Variants in SRPK2 observed in about 807,000 individuals in gnomAD.
SRPK2 encodes the protein SFRS protein kinase 2.
SRPK2 carries 21 observed loss-of-function variants against 90.8 expected under a neutral mutation model. That is an observed-to-expected ratio of 0.23 (90% CI 0.16 to 0.33). SRPK2 has a LOEUF of 0.33. Ranked by LOEUF, SRPK2 falls within the 10% of genes least tolerant of loss-of-function variation. The pLI is 1.00. For synonymous variants in SRPK2, 288 were observed against 311.1 expected, an observed-to-expected ratio of 0.93 and a Z score of 0.78; for missense variants, 620 against 869.0, an observed-to-expected ratio of 0.71 and a Z score of 3.60.
At chr7:105,291,721 T>C (rs79629216) in intron 2 of SRPK2, among the ~76,000 whole-genome samples, 2 of 151,500 alleles carry the variant, frequency 1.3e-5, no homozygotes, top group African/African-American at 4.9e-5. Flanking sequence ...CAGAACGAGA[T>C]TTTTTTTCAG....
At chr7:105,261,022 TAAAAA>T (rs72277307) in intron 2 of SRPK2, among the ~76,000 whole-genome samples, 2 of 116,038 alleles carry the variant, frequency 1.7e-5, no homozygotes, top group Admixed American at 9.5e-5. Flanking sequence ...CCCTAGAAAT[TAAAAA>T]AAAAAAAAAA....
intron 2 of SRPK2, among the ~76,000 whole-genome samples, chr7:105,213,498 C>A (rs926262723): frequency 7.3e-5 from 11 of 149,780 alleles, no homozygotes; most frequent in Non-Finnish European, 1.0e-4. Flanking sequence ...GAGCCCAGTT[C>A]AAAGCCGAAG....
At chr7:105,244,907 G>T in intron 2 of SRPK2, 4 of 1,481,404 alleles carry the variant, frequency 2.7e-6, no homozygotes, top group Non-Finnish European at 3.7e-6. Context: ...GCGCCAAGAG[G>T]AAGCGGGAGG....
intron 2 of SRPK2, among the ~76,000 whole-genome samples, chr7:105,212,617 G>C (rs1360500299): frequency 1.3e-5 from 2 of 152,222 alleles, no homozygotes; most frequent in African/African-American, 4.8e-5. Context: ...CCTGAGGCAA[G>C]TAGTAGCCAC....
At chr7:105,303,970 G>A (rs1370177118) in intron 2 of SRPK2, among the ~76,000 whole-genome samples, 4 of 152,212 alleles carry the variant, frequency 2.6e-5, no homozygotes, top group East Asian at 3.9e-4. Context: ...TGAGAAAATC[G>A]GTAGAGTTGA....
chr7:105,196,609 G>C (rs1287677724), intron 3 of SRPK2, among the ~76,000 whole-genome samples: 1 of 152,128 alleles, frequency 6.6e-6, no homozygotes, highest in Non-Finnish European at 1.5e-5. Flanking sequence ...GACTCCCAGG[G>C]GTCAAAACCG....
At chr7:105,295,202 A>C (rs1423995521) in intron 2 of SRPK2, among the ~76,000 whole-genome samples, 1 of 89,418 alleles carries the variant, frequency 1.1e-5, no homozygotes, top group Non-Finnish European at 2.9e-5. Context: ...CAGAGCGAGA[A>C]CCCGTCTCAA....
chr7:105,256,243 G>A (rs959117089), intron 2 of SRPK2, among the ~76,000 whole-genome samples: 6 of 152,204 alleles, frequency 3.9e-5, no homozygotes, highest in Non-Finnish European at 8.8e-5. Flanking sequence ...CTATAGCACA[G>A]AAGAAAAATA....
In SRPK2 at chr7:105,356,573, T is replaced by C. The variant is rs568426460; in HGVS notation, c.71+32075A>G. ...TATTAGCTATTTTTTGTAGCTAATATAGTGAGTAATTTAGATAAACCCATG... is the reference window on the plus strand; with the variant it reads ...TATTAGCTATTTTTTGTAGCTAATACAGTGAGTAATTTAGATAAACCCATG... On this transcript the variant is annotated intron_variant, in intron 2 of 15. Coordinates refer to ENST00000393651, the MANE Select transcript of SRPK2 (RefSeq NM_182692.3). Among the ~76,000 whole-genome samples the C allele has an allele frequency of 3.9e-5, 6 of 152,312 alleles. 1 individual carries two copies. In the South Asian group the frequency reaches 1.0e-3, roughly 26 times the overall value.
Position 105,181,896 on chromosome 7 carries a change from ACAG to A in SRPK2, c.230-12634_230-12632del, listed in dbSNP as rs767382955. Among the ~76,000 whole-genome samples, 242 of 83,342 alleles carry A rather than the reference ACAG, an allele frequency of 2.9e-3. 7 individuals are homozygous for A. The highest frequency in any genetic ancestry group is 8.5e-3 in the South Asian group (21 of 2,482). 54.7% of individuals were successfully genotyped at this position (83,342 alleles called of 152,430 possible). On this transcript the variant is annotated intron_variant, in intron 3 of 15. Coordinates refer to ENST00000393651, the MANE Select transcript of SRPK2 (RefSeq NM_182692.3). ...AAGATAAAAGTAAAAAAAAAAAAAA[ACAG>A]AAAACACACACACAAAAACCAAATG... is the stretch of plus-strand genomic sequence containing the variant.
chr7:105,296,479 T>A (rs1043381607), intron 2 of SRPK2, among the ~76,000 whole-genome samples: 13 of 152,078 alleles, frequency 8.5e-5, no homozygotes, highest in East Asian at 3.9e-4. Context: ...TATAAGATTT[T>A]AAAAAAAAGT....
intron 4 of SRPK2, 143 bp from the exon 5 acceptor site, chr7:105,168,238 G>T (rs1164383942): frequency 1.6e-6 from 1 of 631,938 alleles, no homozygotes; most frequent in Non-Finnish European, 2.8e-6. Flanking sequence ...GTGTCAACAC[G>T]ATGCCACAGT....
intron 2 of SRPK2, among the ~76,000 whole-genome samples, chr7:105,215,130 T>G (rs1414972183): frequency 6.6e-6 from 1 of 152,186 alleles, no homozygotes; most frequent in Non-Finnish European, 1.5e-5. Context: ...CAACCGAATA[T>G]TCACATGTGA....
At chr7:105,332,165 A>G (rs573106605) in intron 2 of SRPK2, among the ~76,000 whole-genome samples, 2 of 152,284 alleles carry the variant, frequency 1.3e-5, no homozygotes, top group African/African-American at 4.8e-5. Context: ...CACACAACAA[A>G]TCATCAACAA....
chr7:105,208,519 C>T (rs751551085), intron 2 of SRPK2, among the ~76,000 whole-genome samples: 1 of 152,198 alleles, frequency 6.6e-6, no homozygotes, highest in Non-Finnish European at 1.5e-5. Context: ...TGCTGGGTGA[C>T]AGATGCCAGT....
chr7:105,214,916 G>A (rs1177550688), intron 2 of SRPK2, among the ~76,000 whole-genome samples: 1 of 152,120 alleles, frequency 6.6e-6, no homozygotes, highest in African/African-American at 2.4e-5. Flanking sequence ...CACAAAACTG[G>A]GGGATTCGCA....
At chr7:105,298,686 A>C in intron 2 of SRPK2, 673 of 976,008 alleles carry the variant, frequency 6.9e-4, no homozygotes, top group Non-Finnish European at 7.5e-4. Flanking sequence ...ATTATACTGC[A>C]ACCCCCTGCC....
intron 7 of SRPK2, among the ~76,000 whole-genome samples, chr7:105,157,005 A>G (rs1806591747): frequency 6.6e-6 from 1 of 152,180 alleles, no homozygotes; most frequent in Admixed American, 6.5e-5. Context: ...AGAATTCTAA[A>G]TGGGAATATG....
At chr7:105,358,445 G>A (rs998019838) in intron 2 of SRPK2, among the ~76,000 whole-genome samples, 2 of 152,144 alleles carry the variant, frequency 1.3e-5, no homozygotes, top group African/African-American at 2.4e-5. Flanking sequence ...CAGCACTTTG[G>A]AAGGCTGAAG....
Sources: allele counts gnomAD v4.1 joint callset (sites outside exome capture counted in the v4.1 genomes callset), GRCh38; gene constraint gnomAD v4.1.1; transcripts MANE v1.5; gene names NCBI Gene and HGNC (gene_info 2026-07-23, HGNC 2026-07-21).